GDF15: variants seen among roughly 807,000 people sequenced by gnomAD.
GDF15 encodes the protein growth differentiation factor 15.
A neutral mutation model predicts 8.9 loss-of-function variants in GDF15; 10 were observed. The ratio of observed to expected loss-of-function variants is 1.12; its 90% confidence interval spans 0.69 to 1.90. The LOEUF (loss-of-function observed/expected upper bound fraction) is 1.90. GDF15 is among the 40% of genes most tolerant of loss of function. The pLI is 0.00. For missense variants in GDF15, 452 were observed against 434.2 expected, an observed-to-expected ratio of 1.04 and a Z score of -0.36; for synonymous variants, 228 against 210.6, an observed-to-expected ratio of 1.08 and a Z score of -0.72.
intron 1 of GDF15, 79 bp downstream of exon 1, chr19:18,386,545 C>T: frequency 8.2e-7 from 1 of 1,225,072 alleles, no homozygotes; most frequent in Non-Finnish European, 1.2e-6. Context: ...TCTTGAAAAG[C>T]CCAGACCTAC....
intron 1 of GDF15, chr19:18,386,697 A>G (rs1324382862): frequency 3.5e-6 from 2 of 568,580 alleles, no homozygotes; most frequent in Non-Finnish European, 6.3e-6. Flanking sequence ...GGGGAAACTG[A>G]GGTACAGGGA....
In GDF15 at chr19:18,387,813, C is replaced by CTTTTTTTTTTTTTTTTTTTTTTTTT. The variant is rs538473844; in HGVS notation, c.278-471_278-447dup. Among the ~76,000 whole-genome samples the CTTTTTTTTTTTTTTTTTTTTTTTTT allele has an allele frequency of 3.4e-4, 24 of 70,328 alleles. 5 individuals are homozygous for CTTTTTTTTTTTTTTTTTTTTTTTTT. Among genetic ancestry groups the CTTTTTTTTTTTTTTTTTTTTTTTTT allele is most frequent in the East Asian group, 2.0e-3 (5 of 2,442 alleles). 46.1% of individuals were successfully genotyped at this position (70,328 alleles called of 152,430 possible). ...CAGGAGATTCAAGGGGAGAAATGCC[C>CTTTTTTTTTTTTTTTTTTTTTTTTT]TTTTTTTTTTTTTTTTTTTTTTTTT... On this transcript the variant is annotated intron_variant, in intron 1 of 1. Transcript: ENST00000252809.
At chr19:18,387,565 C>T (rs770563025) in intron 1 of GDF15, among the ~76,000 whole-genome samples, 8 of 151,962 alleles carry the variant, frequency 5.3e-5, no homozygotes, top group African/African-American at 1.7e-4. Context: ...TTTTGACTGC[C>T]AGAAGAAAAG....
At position 18,388,981 on chromosome 19, in the gene GDF15, T is replaced by A; in HGVS notation, c.*46T>A. 1.4e-6 allele frequency: 2 copies of A among 1,379,982 alleles called. No homozygotes were observed. Among genetic ancestry groups the A allele is most frequent in the Non-Finnish European group, 2.0e-6 (2 of 1,000,778 alleles). 85.5% of individuals were successfully genotyped at this position (1,379,982 alleles called of 1,614,324 possible). On this transcript the variant is annotated 3_prime_UTR_variant, in exon 2 of 2. Transcript: ENST00000252809. This position sits in a 1 kb window ranked among gnomAD's most constrained non-coding sequence, Gnocchi z 4.2. Reference sequence around the variant, plus strand: ...GTGCACCTGCGCGGAGGACGCGACCTCAGTTGTCCTGCCCTGTGGAATGGG... The same window carrying A: ...GTGCACCTGCGCGGAGGACGCGACCACAGTTGTCCTGCCCTGTGGAATGGG...
Position 18,388,642 on chromosome 19 carries a change from C to T in GDF15, c.634C>T (p.Arg212Cys), listed in dbSNP as rs752480227. 2 of 1,600,160 alleles carry T rather than the reference C, an allele frequency of 1.2e-6. No individual in the cohort carries two copies. The highest frequency in any genetic ancestry group is 1.1e-5 in the South Asian group (1 of 90,296). The change falls in exon 2 of 2, where the codon CGT becomes TGT. Residue 212 changes from arginine (R) to cysteine (C), a missense_variant. By Grantham distance (180) the Arg-to-Cys change is radical. Transcript: ENST00000252809. This position sits in a 1 kb window ranked among gnomAD's most constrained non-coding sequence, Gnocchi z 4.2. ...HCPLGPGRCC[R>C]LHTVRASLED... ...TCCGCTCGGGCCCGGGCGTTGCTGCCGTCTGCACACGGTCCGCGCGTCGCT... is the reference window on the plus strand; with the variant it reads ...TCCGCTCGGGCCCGGGCGTTGCTGCTGTCTGCACACGGTCCGCGCGTCGCT...
In GDF15 at chr19:18,388,692, G is replaced by C. The variant is rs1308489721; in HGVS notation, c.684G>C (p.Trp228Cys). 1.7e-5 allele frequency: 28 copies of C among 1,608,064 alleles called. No homozygotes were observed. The highest frequency in any genetic ancestry group is 2.3e-5 in the Non-Finnish European group (27 of 1,178,336). The part of the protein sequence containing the change: ...ASLEDLGWAD[W>C]VLSPREVQVT... ...TGGAAGACCTGGGCTGGGCCGATTG[G>C]GTGCTGTCGCCACGGGAGGTGCAAG... is the stretch of plus-strand genomic sequence containing the variant. The change falls in exon 2 of 2, where the codon TGG (tryptophan) becomes TGC (cysteine). Residue 228 changes from tryptophan to cysteine, a missense_variant. Trp to Cys is a radical substitution (Grantham distance 215). Coordinates refer to ENST00000252809, the MANE Select transcript of GDF15 (RefSeq NM_004864.4). This position sits in a 1 kb window ranked among gnomAD's most constrained non-coding sequence, Gnocchi z 4.2.
chr19:18,386,787 T>A, intron 1 of GDF15: 1 of 356,514 alleles, frequency 2.8e-6, no homozygotes, highest in South Asian at 3.7e-5. Context: ...GCATGGTCCC[T>A]GACCTGGGCT....
In GDF15 at chr19:18,388,643, G is replaced by A. The variant is rs1971863372; in HGVS notation, c.635G>A (p.Arg212His). The A allele has an allele frequency of 1.9e-6, 3 of 1,600,922 alleles. No individual in the cohort carries two copies. Among genetic ancestry groups the A allele is most frequent in the East Asian group, 4.5e-5 (2 of 44,686 alleles). The change falls in exon 2 of 2, where the codon CGT (arginine) becomes CAT (histidine). Residue 212 changes from arginine to histidine, a missense_variant. Coordinates refer to ENST00000252809, the MANE Select transcript of GDF15 (RefSeq NM_004864.4). The surrounding 1 kb of genome is among the most constrained non-coding windows in gnomAD (Gnocchi z 4.2). ...HCPLGPGRCC[R>H]LHTVRASLED... ...CCGCTCGGGCCCGGGCGTTGCTGCC[G>A]TCTGCACACGGTCCGCGCGTCGCTG...
In GDF15 at chr19:18,388,884, G is replaced by A; in HGVS notation, c.876G>A (p.Val292=). The A allele has an allele frequency of 1.2e-6, 2 of 1,611,604 alleles. No individual in the cohort carries two copies. The highest frequency in any genetic ancestry group is 1.7e-6 in the Non-Finnish European group (2 of 1,179,774). ...TCATTCAAAAGACCGACACCGGGGT[G>A]TCGCTCCAGACCTATGATGACTTGT... ...MVLIQKTDTG[V]SLQTYDDLLA... The change falls in exon 2 of 2, where the codon GTG becomes GTA. Residue 292 remains valine, a synonymous_variant. Transcript: ENST00000252809. This position sits in a 1 kb window ranked among gnomAD's most constrained non-coding sequence, Gnocchi z 4.2.
Position 18,387,712 on chromosome 19 carries a change from C to T in GDF15, c.278-574C>T, listed in dbSNP as rs1005815059. 4.0e-5 allele frequency among the ~76,000 whole-genome samples: 6 copies of T among 149,474 alleles called. No individual in the cohort carries two copies. In the South Asian group the frequency reaches 1.0e-3, roughly 26 times the overall value. On this transcript the variant is annotated intron_variant, in intron 1 of 1. Transcript: ENST00000252809. Reference sequence around the variant, plus strand: ...TTCTAAGTAGGGAATATGAATGATACACAAGGAAATAAAATAGGGTGCTTC... The same window carrying T: ...TTCTAAGTAGGGAATATGAATGATATACAAGGAAATAAAATAGGGTGCTTC...
Position 18,386,262 on chromosome 19 carries a change from C to T in GDF15, c.73C>T (p.Pro25Ser). 1 of 1,613,892 alleles carries T rather than the reference C, an allele frequency of 6.2e-7. No homozygotes were observed. The highest frequency in any genetic ancestry group is 8.5e-7 in the Non-Finnish European group (1 of 1,180,018). ...LLVLLVLSWL[P>S]HGGALSLAEA... ...GGTGTTGCTGGTGCTCTCGTGGCTG[C>T]CGCATGGGGGCGCCCTGTCTCTGGC... The change falls in exon 1 of 2, where the codon CCG becomes TCG. Residue 25 changes from proline (P) to serine (S), a missense_variant. Coordinates refer to ENST00000252809, the MANE Select transcript of GDF15 (RefSeq NM_004864.4).
chr19:18,386,263 C>T lies in GDF15; in HGVS notation c.74C>T (p.Pro25Leu). The part of the protein sequence containing the change: ...LLVLLVLSWL[P>L]HGGALSLAEA... ...GTGTTGCTGGTGCTCTCGTGGCTGC[C>T]GCATGGGGGCGCCCTGTCTCTGGCC... The change falls in exon 1 of 2, where the codon CCG (proline) becomes CTG (leucine). Residue 25 changes from proline (P) to leucine (L), a missense_variant. Coordinates refer to ENST00000252809, the MANE Select transcript of GDF15 (RefSeq NM_004864.4). 6.2e-7 allele frequency: 1 copy of T among 1,613,874 alleles called. No homozygotes were observed.
Position 18,388,841 on chromosome 19 carries a change from G to A in GDF15, c.833G>A (p.Ser278Asn), listed in dbSNP as rs1408165090. 6.2e-7 allele frequency: 1 copy of A among 1,612,300 alleles called. No individual in the cohort carries two copies. The highest frequency in any genetic ancestry group is 1.7e-5 in the Admixed American group (1 of 60,024). The change falls in exon 2 of 2, where the codon AGC becomes AAC. Residue 278 changes from serine (S) to asparagine (N), a missense_variant. Ser to Asn is a conservative substitution (Grantham distance 46, BLOSUM62 1). Transcript: ENST00000252809. The surrounding 1 kb of genome is among the most constrained non-coding windows in gnomAD (Gnocchi z 4.2). Reference protein sequence around the residue: ...TVPAPCCVPASYNPMVLIQKT... With the variant: ...TVPAPCCVPANYNPMVLIQKT... Reference sequence around the variant, plus strand: ...CCAGCGCCCTGCTGCGTGCCCGCCAGCTACAATCCCATGGTGCTCATTCAA... The same window carrying A: ...CCAGCGCCCTGCTGCGTGCCCGCCAACTACAATCCCATGGTGCTCATTCAA...
rs776087601 is a variant in GDF15 at position 18,388,569 on chromosome 19, A to T, written c.561A>T (p.Gln187His). The T allele has an allele frequency of 1.9e-6, 3 of 1,598,654 alleles. No individual in the cohort carries two copies. In the South Asian group the frequency reaches 3.3e-5, roughly 18 times the overall value. The change falls in exon 2 of 2, where the codon CAA (glutamine) becomes CAT (histidine). Residue 187 changes from glutamine to histidine, a missense_variant. By Grantham distance (24) the Gln-to-His change is conservative. Transcript: ENST00000252809. This position sits in a 1 kb window ranked among gnomAD's most constrained non-coding sequence, Gnocchi z 4.2. Reference protein sequence around the residue: ...RPQLELHLRPQAARGRRRARA... With the variant: ...RPQLELHLRPHAARGRRRARA... ...AGCTGGAGTTGCACTTGCGGCCGCAAGCCGCCAGGGGGCGCCGCAGAGCGC... is the reference window on the plus strand; with the variant it reads ...AGCTGGAGTTGCACTTGCGGCCGCATGCCGCCAGGGGGCGCCGCAGAGCGC...
Position 18,388,631 on chromosome 19 carries a change from G to A in GDF15, c.623G>A (p.Gly208Glu). The A allele has an allele frequency of 1.9e-6, 3 of 1,598,932 alleles. No homozygotes were observed. The highest frequency in any genetic ancestry group is 1.1e-5 in the South Asian group (1 of 90,154). ...GGGGACCACTGTCCGCTCGGGCCCG[G>A]GCGTTGCTGCCGTCTGCACACGGTC... ...RNGDHCPLGP[G>E]RCCRLHTVRA... The change falls in exon 2 of 2, where the codon GGG (glycine) becomes GAG (glutamate). Residue 208 changes from glycine to glutamate, a missense_variant. Transcript: ENST00000252809. The surrounding 1 kb of genome is among the most constrained non-coding windows in gnomAD (Gnocchi z 4.2).
In GDF15 at chr19:18,388,776, G is replaced by A; in HGVS notation, c.768G>A (p.Gln256=). 6.2e-7 allele frequency: 1 copy of A among 1,610,166 alleles called. No individual in the cohort carries two copies. The highest frequency in any genetic ancestry group is 1.3e-5 in the African/African-American group (1 of 75,064). Residue 256 remains glutamine, a synonymous_variant, in exon 2 of 2, where the codon CAG becomes CAA. Transcript: ENST00000252809. The surrounding 1 kb of genome is among the most constrained non-coding windows in gnomAD (Gnocchi z 4.2). ...TCCGGGCGGCAAACATGCACGCGCA[G>A]ATCAAGACGAGCCTGCACCGCCTGA... ...SQFRAANMHA[Q]IKTSLHRLKP... is the part of the protein sequence containing the mutation.
chr19:18,388,853 T>G lies in GDF15; in HGVS notation c.845T>G (p.Met282Arg). 6.2e-7 allele frequency: 1 copy of G among 1,612,306 alleles called. No homozygotes were observed. The highest frequency in any genetic ancestry group is 8.5e-7 in the Non-Finnish European group (1 of 1,179,928). ...TGCGTGCCCGCCAGCTACAATCCCA[T>G]GGTGCTCATTCAAAAGACCGACACC... ...PCCVPASYNP[M>R]VLIQKTDTGV... The change falls in exon 2 of 2, where the codon ATG (methionine) becomes AGG (arginine). Residue 282 changes from methionine to arginine, a missense_variant. Physicochemically the swap from Met to Arg is moderately conservative, Grantham distance 91. Coordinates refer to ENST00000252809, the MANE Select transcript of GDF15 (RefSeq NM_004864.4). This position sits in a 1 kb window ranked among gnomAD's most constrained non-coding sequence, Gnocchi z 4.2.
In GDF15 at chr19:18,388,340, C is replaced by G. The variant is rs773889399; in HGVS notation, c.332C>G (p.Pro111Arg). The G allele has an allele frequency of 6.2e-7, 1 of 1,611,406 alleles. No individual in the cohort carries two copies. The highest frequency in any genetic ancestry group is 1.3e-5 in the African/African-American group (1 of 75,010). ...CTGCGTATCTCTCGGGCCGCCCTTCCCGAGGGGCTCCCCGAGGCCTCCCGC... is the reference window on the plus strand; with the variant it reads ...CTGCGTATCTCTCGGGCCGCCCTTCGCGAGGGGCTCCCCGAGGCCTCCCGC... ...LHLRISRAAL[P>R]EGLPEASRLH... The change falls in exon 2 of 2, where the codon CCC becomes CGC. Residue 111 changes from proline to arginine, a missense_variant. Coordinates refer to ENST00000252809, the MANE Select transcript of GDF15 (RefSeq NM_004864.4). This position sits in a 1 kb window ranked among gnomAD's most constrained non-coding sequence, Gnocchi z 4.2.
rs1382955856 is a variant in GDF15, at chr19:18,388,551, G to A, written c.543G>A (p.Glu181=). ...AESSSARPQL[E]LHLRPQAARG... ...CTTCGTCCGCACGGCCCCAGCTGGA[G>A]TTGCACTTGCGGCCGCAAGCCGCCA... Residue 181 remains glutamate (E), a synonymous_variant, in exon 2 of 2, where the codon GAG becomes GAA. Coordinates refer to ENST00000252809, the MANE Select transcript of GDF15 (RefSeq NM_004864.4). The surrounding 1 kb of genome is among the most constrained non-coding windows in gnomAD (Gnocchi z 4.2). 1 of 1,597,762 alleles carries A rather than the reference G, an allele frequency of 6.3e-7. No homozygotes were observed. The highest frequency in any genetic ancestry group is 8.5e-7 in the Non-Finnish European group (1 of 1,175,244).
Sources: allele counts gnomAD v4.1 joint callset (sites outside exome capture counted in the v4.1 genomes callset), GRCh38; gene constraint gnomAD v4.1.1; non-coding constraint Gnocchi (gnomAD v3.1); transcripts MANE v1.5; gene names NCBI Gene and HGNC (gene_info 2026-07-23, HGNC 2026-07-21).